KCNH7: variants seen among roughly 807,000 people sequenced by gnomAD.
KCNH7 encodes the protein potassium voltage-gated channel subfamily H member 7, also known as voltage-gated inwardly rectifying potassium channel KCNH7.
KCNH7 carries 49 observed loss-of-function variants against 120.8 expected under a neutral mutation model. The observed-to-expected ratio is 0.41, with a 90% confidence interval of 0.32 to 0.51. The LOEUF (loss-of-function observed/expected upper bound fraction) is 0.51. KCNH7 is among the 20% of genes least tolerant of loss of function. KCNH7 has a pLI of 0.38. For missense variants in KCNH7, 1,097 were observed against 1,446.6 expected, an observed-to-expected ratio of 0.76 and a Z score of 3.92; for synonymous variants, 547 against 516.1, an observed-to-expected ratio of 1.06 and a Z score of -0.81.
At chr2:162,408,984 C>T (rs1354797603) in intron 9 of KCNH7, among the ~76,000 whole-genome samples, 2 of 151,648 alleles carry the variant, frequency 1.3e-5, no homozygotes, top group African/African-American at 4.8e-5. Context: ...AATATGTATA[C>T]TCAATGCCTT....
At chr2:162,433,531 G>C (rs1417077285) in intron 8 of KCNH7, among the ~76,000 whole-genome samples, 1 of 152,024 alleles carries the variant, frequency 6.6e-6, no homozygotes, top group Non-Finnish European at 1.5e-5. Context: ...AATGTATAAA[G>C]GACTCCCTAT....
chr2:162,782,133 C>G (rs960485531), intron 2 of KCNH7, among the ~76,000 whole-genome samples: 50 of 152,194 alleles, frequency 3.3e-4, no homozygotes, highest in African/African-American at 1.2e-3. Context: ...TGTAACATTG[C>G]TACTGGCTTT....
At chr2:162,478,232 C>T (rs890740353) in intron 6 of KCNH7, among the ~76,000 whole-genome samples, 1 of 152,140 alleles carries the variant, frequency 6.6e-6, no homozygotes, top group Non-Finnish European at 1.5e-5. Flanking sequence ...TGGGTATCTC[C>T]TGCAAGAAGC....
intron 2 of KCNH7, among the ~76,000 whole-genome samples, chr2:162,782,038 C>T (rs1683514146): frequency 2.0e-5 from 3 of 152,174 alleles, no homozygotes; most frequent in Admixed American, 2.0e-4. Flanking sequence ...ACCTTGCATT[C>T]ATGACACAAA....
intron 2 of KCNH7, among the ~76,000 whole-genome samples, chr2:162,779,606 T>C (rs1015764111): frequency 1.3e-5 from 2 of 152,274 alleles, no homozygotes; most frequent in Middle Eastern, 3.4e-3. Context: ...AACTTCTGAA[T>C]AGTTGCTCAC....
chr2:162,416,855 T>C (rs1687555440), intron 9 of KCNH7, among the ~76,000 whole-genome samples: 1 of 152,122 alleles, frequency 6.6e-6, no homozygotes, highest in African/African-American at 2.4e-5. Context: ...GACCCCAAGA[T>C]GCAAAGTAAA....
At chr2:162,597,382 T>C (rs978997313) in intron 2 of KCNH7, among the ~76,000 whole-genome samples, 2 of 152,058 alleles carry the variant, frequency 1.3e-5, no homozygotes. Flanking sequence ...ATTCTGTCAT[T>C]TGTGACAACA....
At chr2:162,500,170 G>A (rs1450438558) in intron 6 of KCNH7, among the ~76,000 whole-genome samples, 2 of 147,138 alleles carry the variant, frequency 1.4e-5, no homozygotes, top group Non-Finnish European at 3.0e-5. Context: ...ACATTTATAT[G>A]TTATATACAA....
chr2:162,519,714 G>A (rs1311710750), intron 3 of KCNH7, among the ~76,000 whole-genome samples: 1 of 151,756 alleles, frequency 6.6e-6, no homozygotes, highest in Non-Finnish European at 1.5e-5. Flanking sequence ...TGTTCCCACA[G>A]TAGTCTAGGT....
At chr2:162,665,884 C>T (rs1574240217) in intron 2 of KCNH7, among the ~76,000 whole-genome samples, 1 of 152,164 alleles carries the variant, frequency 6.6e-6, no homozygotes, top group Non-Finnish European at 1.5e-5. Flanking sequence ...TTAGTCTCAT[C>T]AAATTTGCTG....
intron 2 of KCNH7, among the ~76,000 whole-genome samples, chr2:162,641,536 G>A (rs1384276125): frequency 6.6e-6 from 1 of 150,692 alleles, no homozygotes; most frequent in African/African-American, 2.5e-5. Flanking sequence ...TCAACATAGT[G>A]AGACCTTCTC....
At chr2:162,483,496 T>C (rs1341637506) in intron 6 of KCNH7, among the ~76,000 whole-genome samples, 1 of 151,988 alleles carries the variant, frequency 6.6e-6, no homozygotes, top group African/African-American at 2.4e-5. Flanking sequence ...TTTTCAGTGA[T>C]AAAAATAATT....
intron 2 of KCNH7, among the ~76,000 whole-genome samples, chr2:162,564,620 C>T (rs746425235): frequency 4.9e-4 from 74 of 152,062 alleles, no homozygotes; most frequent in Admixed American, 6.6e-4. Flanking sequence ...TTATTATTTT[C>T]CCACATTGCA....
At chr2:162,481,472 C>T (rs927864821) in intron 6 of KCNH7, among the ~76,000 whole-genome samples, 1 of 152,136 alleles carries the variant, frequency 6.6e-6, no homozygotes, top group Non-Finnish European at 1.5e-5. Context: ...CACTTGGAAG[C>T]TAATGGAATA....
chr2:162,647,848 A>G (rs1684422035), intron 2 of KCNH7, among the ~76,000 whole-genome samples: 1 of 152,152 alleles, frequency 6.6e-6, no homozygotes, highest in Non-Finnish European at 1.5e-5. Flanking sequence ...AAAAAACCCT[A>G]AACACCTTGG....
At chr2:162,833,984 C>T (rs1685565716) in intron 2 of KCNH7, among the ~76,000 whole-genome samples, 1 of 152,064 alleles carries the variant, frequency 6.6e-6, no homozygotes, top group Non-Finnish European at 1.5e-5. Context: ...TTACTGTATA[C>T]AGTTAAGAAA....
chr2:162,677,354 T>G (rs1685561963), intron 2 of KCNH7, among the ~76,000 whole-genome samples: 1 of 151,466 alleles, frequency 6.6e-6, no homozygotes. Flanking sequence ...TGAATATATC[T>G]ATTTTATCAA....
At chr2:162,705,947 G>A (rs567675207) in intron 2 of KCNH7, among the ~76,000 whole-genome samples, 1 of 152,214 alleles carries the variant, frequency 6.6e-6, no homozygotes, top group South Asian at 2.1e-4. Context: ...ATATCAGAAA[G>A]AAAACACATT....
chr2:162,778,817 C>T (rs1683356804), intron 2 of KCNH7, among the ~76,000 whole-genome samples: 1 of 152,118 alleles, frequency 6.6e-6, no homozygotes, highest in Admixed American at 6.5e-5. Context: ...CACTGCATAG[C>T]ATGATATTCT....
Sources: allele counts gnomAD v4.1 joint callset (sites outside exome capture counted in the v4.1 genomes callset), GRCh38; gene constraint gnomAD v4.1.1; transcripts MANE v1.5; gene names NCBI Gene and HGNC (gene_info 2026-07-23, HGNC 2026-07-21).